The following CTNNAL1 variants were observed in gnomAD, a reference collection of about 807,000 sequenced individuals.
The protein encoded by CTNNAL1 is alpha-catulin.
Under a neutral mutation model 93.6 loss-of-function variants are expected in CTNNAL1, and 69 were observed. The ratio of observed to expected loss-of-function variants is 0.74; its 90% CI spans 0.61 to 0.90. CTNNAL1 has a LOEUF of 0.90. Ranked by LOEUF, CTNNAL1 falls within the 40% of genes least tolerant of loss-of-function variation. CTNNAL1 has a pLI of 0.00. For missense variants in CTNNAL1, 836 were observed against 862.0 expected, an observed-to-expected ratio of 0.97 and a Z score of 0.38; for synonymous variants, 286 against 305.4, an observed-to-expected ratio of 0.94 and a Z score of 0.66.
intron 8 of CTNNAL1, among the ~76,000 whole-genome samples, chr9:108,973,312 G>A (rs12001473): frequency 0.11 from 17,167 of 152,138 alleles, 1,167 homozygotes; most frequent in Middle Eastern, 0.15. Flanking sequence ...AAGAAAATTG[G>A]CACTTTGTGA....
chr9:108,950,511 T>TTATA (rs1302376921), intron 14 of CTNNAL1: 6 of 1,549,026 alleles, frequency 3.9e-6, no homozygotes, highest in Non-Finnish European at 5.2e-6. Context: ...TTCCAGAGAA[T>TTATA]TATCTATCTA....
At chr9:108,994,883 C>T (rs748143553) in intron 2 of CTNNAL1, among the ~76,000 whole-genome samples, 5 of 152,128 alleles carry the variant, frequency 3.3e-5, no homozygotes, top group East Asian at 1.9e-4. Context: ...CAGATAACTA[C>T]GTGGAGAGGA....
At position 108,956,477 on chromosome 9, in the gene CTNNAL1, T is replaced by A. The variant is rs546701419; in HGVS notation, c.1592-650A>T. ...CAGATTACAATGAATAATAGACTTT[T>A]TATAAATGCTGGTTTGTGACATCTG... is the stretch of plus-strand genomic sequence containing the variant. On this transcript the variant is annotated intron_variant, in intron 11 of 18. Transcript: ENST00000325551. 2.6e-5 allele frequency among the ~76,000 whole-genome samples: 4 copies of A among 152,322 alleles called. No homozygotes were observed. In the East Asian group the frequency reaches 7.7e-4, roughly 29 times the overall value.
Position 109,000,530 on chromosome 9 carries a change from A to G in CTNNAL1, c.142-1274T>C, listed in dbSNP as rs537901844. On this transcript the variant is annotated intron_variant, in intron 1 of 18. Transcript: ENST00000325551. ...AAAAATAAACTTTAATATAACTGTT[A>G]TGTACAAAATGTTAGGATAGTGTGA... is the stretch of plus-strand genomic sequence containing the variant. Among the ~76,000 whole-genome samples the G allele has an allele frequency of 2.6e-5, 4 of 152,316 alleles. No homozygotes were observed. The South Asian group carries it at 6.2e-4, about 24-fold the overall frequency.
intron 1 of CTNNAL1, among the ~76,000 whole-genome samples, chr9:109,011,384 A>C (rs79666106): frequency 6.7e-6 from 1 of 149,428 alleles, no homozygotes; most frequent in African/African-American, 2.5e-5. Flanking sequence ...AAAAAAAAAA[A>C]GGCAGGCATT....
Position 108,943,808 on chromosome 9 carries a change from G to A in CTNNAL1, c.1950C>T (p.Asp650=), listed in dbSNP as rs372641856. Residue 650 remains aspartate (D), a synonymous_variant, in exon 17 of 19, where the codon GAC becomes GAT. Coordinates refer to ENST00000325551, the MANE Select transcript of CTNNAL1 (RefSeq NM_003798.4). ...CCAGGAGAAGCATAAGCTTGTCATC[G>A]TCTTTCAGCTGAAATGTAATTTAAC... ...SVQAFSKQLK[D]DDKLMLLLEI... The A allele has an allele frequency of 1.8e-5, 29 of 1,613,128 alleles. No homozygotes were observed. Among genetic ancestry groups the A allele is most frequent in the Middle Eastern group, 1.6e-4 (1 of 6,076 alleles).
intron 1 of CTNNAL1, 23 bp downstream of exon 1, chr9:109,013,279 G>A (rs1170784948): frequency 1.1e-5 from 16 of 1,478,902 alleles, no homozygotes; most frequent in South Asian, 5.2e-5. Flanking sequence ...GGAGAAGAGG[G>A]GCCGCGCCAG....
At chr9:108,992,488 G>A in intron 3 of CTNNAL1, 144 bp downstream of exon 3, 1 of 1,037,586 alleles carries the variant, frequency 9.6e-7, no homozygotes, top group Admixed American at 3.3e-5. Flanking sequence ...GTGTGTCAAT[G>A]TATCCTGCAT....
intron 11 of CTNNAL1, among the ~76,000 whole-genome samples, chr9:108,956,127 A>T (rs1049419315): frequency 1.3e-5 from 2 of 152,224 alleles, no homozygotes; most frequent in Admixed American, 1.3e-4. Flanking sequence ...AGCTTCATTC[A>T]CAGAGTGCTC....
chr9:108,981,490 A>C (rs1291134341), intron 6 of CTNNAL1, among the ~76,000 whole-genome samples: 5 of 152,138 alleles, frequency 3.3e-5, no homozygotes, highest in South Asian at 2.1e-4. Context: ...AAAACAAAAA[A>C]AAAAAAAACA....
At chr9:108,950,060 TGAA>T (rs369520556) in intron 14 of CTNNAL1, among the ~76,000 whole-genome samples, 22 of 151,144 alleles carry the variant, frequency 1.5e-4, no homozygotes, top group South Asian at 4.2e-4. Flanking sequence ...AGTCTATTGA[TGAA>T]CCCTTCATTT....
intron 4 of CTNNAL1, among the ~76,000 whole-genome samples, chr9:108,986,144 A>G (rs1383920804): frequency 6.6e-6 from 1 of 150,586 alleles, no homozygotes; most frequent in African/African-American, 2.4e-5. Context: ...GTCATTTAGC[A>G]TTAGGTATAT....
intron 2 of CTNNAL1, among the ~76,000 whole-genome samples, chr9:108,994,749 G>A (rs1392397321): frequency 6.6e-6 from 1 of 152,128 alleles, no homozygotes; most frequent in Non-Finnish European, 1.5e-5. Flanking sequence ...ACCAGGGTTG[G>A]TATGGTGGAA....
intron 8 of CTNNAL1, 31 bp from the exon 9 acceptor site, chr9:108,972,864 G>GGGGGGGGGCCCCCC: frequency 3.7e-4 from 52 of 142,120 alleles, no homozygotes; most frequent in Non-Finnish European, 4.9e-4. Context: ...GGGGGGGTGG[G>GGGGGGGGGCCCCCC]AGGGTGGAGA....
In CTNNAL1 at chr9:108,970,383, C is replaced by T; in HGVS notation, c.1440+19G>A. 6.3e-7 allele frequency: 1 copy of T among 1,599,010 alleles called. No homozygotes were observed. Among genetic ancestry groups the T allele is most frequent in the Non-Finnish European group, 8.5e-7 (1 of 1,173,814 alleles). On this transcript the variant is annotated intron_variant, in intron 10 of 18. Transcript: ENST00000325551. Reference sequence around the variant, plus strand: ...CAGATAGGACACAATACAGAAGGAGCAATCTGCTATTATCATACCTGTTGG... The same window carrying T: ...CAGATAGGACACAATACAGAAGGAGTAATCTGCTATTATCATACCTGTTGG...
chr9:108,960,424 C>T (rs1051919753), intron 11 of CTNNAL1, among the ~76,000 whole-genome samples: 1 of 152,134 alleles, frequency 6.6e-6, no homozygotes, highest in Admixed American at 6.5e-5. Context: ...TCTTTACCCA[C>T]GAACATGTTT....
chr9:108,981,688 G>A (rs759306476), intron 6 of CTNNAL1, among the ~76,000 whole-genome samples: 4 of 152,134 alleles, frequency 2.6e-5, no homozygotes, highest in Non-Finnish European at 5.9e-5. Flanking sequence ...ACTTTGGGAG[G>A]CCAAGGTGGG....
chr9:108,964,712 T>C (rs1413865868), intron 11 of CTNNAL1, among the ~76,000 whole-genome samples: 2 of 152,276 alleles, frequency 1.3e-5, no homozygotes, highest in South Asian at 2.1e-4. Context: ...AATTAAAACA[T>C]AGAATTACTG....
intron 8 of CTNNAL1, among the ~76,000 whole-genome samples, 181 bp downstream of exon 8, chr9:108,976,781 C>T (rs1003082720): frequency 1.3e-5 from 2 of 152,192 alleles, no homozygotes; most frequent in Non-Finnish European, 2.9e-5. Context: ...ATCCTCCCAC[C>T]TTGGCCTCCC....
Sources: gnomAD v4.1 joint callset for allele counts (sites outside exome capture counted in the v4.1 genomes callset) on GRCh38, gnomAD v4.1.1 for gene constraint, MANE v1.5 for transcripts, NCBI Gene and HGNC (gene_info 2026-07-23, HGNC 2026-07-21) for gene names.